NPFFR2: variants seen among roughly 807,000 people sequenced by gnomAD.
NPFFR2 encodes the protein G-protein coupled receptor 74.
NPFFR2 carries 15 observed loss-of-function variants against 13.1 expected under a neutral mutation model. The ratio of observed to expected loss-of-function variants is 1.15; its 90% CI spans 0.77 to 1.76. NPFFR2 has a LOEUF of 1.76. Among genes scored for constraint, NPFFR2 ranks in the 40% most tolerant of loss-of-function variants. The probability of loss-of-function intolerance (pLI) is 0.00; values close to 1 mark genes in which losing one functional copy is unlikely to be tolerated. For synonymous variants in NPFFR2, 190 were observed against 175.7 expected, an observed-to-expected ratio of 1.08 and a Z score of -0.65; for missense variants, 572 against 503.5, an observed-to-expected ratio of 1.14 and a Z score of -1.30.
intron 1 of NPFFR2, among the ~76,000 whole-genome samples, chr4:72,050,914 C>G (rs1210975241): frequency 6.6e-6 from 1 of 151,838 alleles, no homozygotes; most frequent in Non-Finnish European, 1.5e-5. Context: ...TTTCCAATTT[C>G]ATCCATGTCC....
Position 72,089,689 on chromosome 4 carries a change from G to A in NPFFR2, c.-7-38896G>A, listed in dbSNP as rs1407703362. ...GATGGGATTTTTTTCTTACTGATTT[G>A]TTTGAGTTCCTTGTAGATTCTGGAT... On this transcript the variant is annotated intron_variant, in intron 1 of 3. Coordinates refer to ENST00000308744, the MANE Select transcript of NPFFR2 (RefSeq NM_004885.3). Among the ~76,000 whole-genome samples the A allele has an allele frequency of 2.0e-5, 3 of 152,038 alleles. No homozygotes were observed. The East Asian group carries it at 5.8e-4, about 29-fold the overall frequency.
chr4:72,090,112 T>A (rs751961418), intron 1 of NPFFR2, among the ~76,000 whole-genome samples: 1 of 152,192 alleles, frequency 6.6e-6, no homozygotes, highest in Non-Finnish European at 1.5e-5. Flanking sequence ...TTTGTTTGCT[T>A]TGTCGAAGAC....
chr4:72,138,657 A>G (rs987302157), intron 3 of NPFFR2, among the ~76,000 whole-genome samples: 1 of 152,120 alleles, frequency 6.6e-6, no homozygotes, highest in Non-Finnish European at 1.5e-5. Context: ...AATCCAGTAT[A>G]TCATTGAAGG....
At chr4:72,119,327 A>T (rs1340477205) in intron 1 of NPFFR2, among the ~76,000 whole-genome samples, 3 of 152,214 alleles carry the variant, frequency 2.0e-5, no homozygotes, top group Non-Finnish European at 2.9e-5. Context: ...GTACTAACAC[A>T]GCAGATACAA....
chr4:72,125,642 G>T (rs979857166), intron 1 of NPFFR2, among the ~76,000 whole-genome samples: 2 of 152,118 alleles, frequency 1.3e-5, no homozygotes, highest in Admixed American at 1.3e-4. Flanking sequence ...TTCTTTTCCA[G>T]CTACTACACG....
At chr4:72,086,981 A>G (rs1720790660) in intron 1 of NPFFR2, among the ~76,000 whole-genome samples, 2 of 152,158 alleles carry the variant, frequency 1.3e-5, no homozygotes, top group South Asian at 2.1e-4. Flanking sequence ...TAATATCTGC[A>G]TAAACATTCT....
chr4:72,033,363 G>T (rs1431009448), intron 1 of NPFFR2, among the ~76,000 whole-genome samples: 2 of 152,088 alleles, frequency 1.3e-5, no homozygotes, highest in Non-Finnish European at 2.9e-5. Context: ...TAATAAAACA[G>T]TGATGCAATA....
At chr4:72,089,617 A>T (rs113768981) in intron 1 of NPFFR2, among the ~76,000 whole-genome samples, 12 of 152,190 alleles carry the variant, frequency 7.9e-5, no homozygotes, top group African/African-American at 2.9e-4. Context: ...GGCCATTTGT[A>T]TATCTTCTTT....
chr4:72,129,055 C>G (rs1578474982), intron 2 of NPFFR2, 136 bp downstream of exon 2: 2 of 641,058 alleles, frequency 3.1e-6, no homozygotes, highest in African/African-American at 1.8e-5. Flanking sequence ...CAGGCACCTG[C>G]CCTCATTGGA....
intron 1 of NPFFR2, among the ~76,000 whole-genome samples, chr4:72,072,264 C>T (rs1189774196): frequency 6.6e-6 from 1 of 151,984 alleles, no homozygotes; most frequent in East Asian, 1.9e-4. Flanking sequence ...CTATGAGACA[C>T]AGACTTTGAA....
chr4:72,121,448 A>C (rs932675110), intron 1 of NPFFR2, among the ~76,000 whole-genome samples: 1 of 152,148 alleles, frequency 6.6e-6, no homozygotes, highest in Admixed American at 6.5e-5. Context: ...AAACATAATC[A>C]TCAGATTCAC....
intron 1 of NPFFR2, among the ~76,000 whole-genome samples, chr4:72,122,645 A>C (rs1395410363): frequency 6.6e-6 from 1 of 152,226 alleles, no homozygotes; most frequent in African/African-American, 2.4e-5. Flanking sequence ...TCTGCTCCCA[A>C]ATGACTACTG....
chr4:72,074,590 G>T (rs1720370954), intron 1 of NPFFR2, among the ~76,000 whole-genome samples: 1 of 151,854 alleles, frequency 6.6e-6, no homozygotes, highest in African/African-American at 2.4e-5. Flanking sequence ...ATCCACTTTG[G>T]GTCTGGGAGC....
chr4:72,098,175 A>G (rs913203367), intron 1 of NPFFR2, among the ~76,000 whole-genome samples: 3 of 152,330 alleles, frequency 2.0e-5, no homozygotes, highest in Middle Eastern at 3.4e-3. Context: ...AAACAACATG[A>G]TATTTTATGA....
At chr4:72,068,419 A>T (rs1720136580) in intron 1 of NPFFR2, among the ~76,000 whole-genome samples, 1 of 152,202 alleles carries the variant, frequency 6.6e-6, no homozygotes. Flanking sequence ...CATTTATTAG[A>T]AAAGAGCCCT....
At chr4:72,122,942 G>A (rs1035186372) in intron 1 of NPFFR2, among the ~76,000 whole-genome samples, 59 of 152,090 alleles carry the variant, frequency 3.9e-4, no homozygotes, top group African/African-American at 1.4e-3. Context: ...AAAAACGCTT[G>A]AAAATATCAA....
At chr4:72,134,072 C>T (rs1722334052) in intron 2 of NPFFR2, among the ~76,000 whole-genome samples, 1 of 152,128 alleles carries the variant, frequency 6.6e-6, no homozygotes, top group Non-Finnish European at 1.5e-5. Context: ...CAAGACCAGC[C>T]TGGCCAACAT....
intron 1 of NPFFR2, among the ~76,000 whole-genome samples, chr4:72,119,058 AT>A: frequency 6.6e-6 from 1 of 151,202 alleles, no homozygotes; most frequent in South Asian, 2.1e-4. Flanking sequence ...CAGAAAAAAA[AT>A]AATCGGTAGA....
chr4:72,044,689 A>G (rs1374907722), intron 1 of NPFFR2, among the ~76,000 whole-genome samples: 1 of 151,702 alleles, frequency 6.6e-6, no homozygotes, highest in African/African-American at 2.4e-5. Context: ...GGCCATGTTT[A>G]TGTCTTCTTT....
Sources: gnomAD v4.1 joint callset for allele counts (sites outside exome capture counted in the v4.1 genomes callset) on GRCh38, gnomAD v4.1.1 for gene constraint, MANE v1.5 for transcripts, NCBI Gene and HGNC (gene_info 2026-07-23, HGNC 2026-07-21) for gene names.